B3GALT1: variants seen among roughly 807,000 people sequenced by gnomAD.
B3GALT1 encodes the protein UDP-Gal:betaGlcNAc beta 1,3-galactosyltransferase, polypeptide 1.
A neutral mutation model predicts 23.2 loss-of-function variants in B3GALT1; 10 were observed. The ratio of observed to expected loss-of-function variants is 0.43; its 90% CI spans 0.27 to 0.73. The LOEUF (loss-of-function observed/expected upper bound fraction) is 0.73, where lower values mean the gene tolerates loss of function less well. B3GALT1 is among the 30% of genes least tolerant of loss of function. The probability of loss-of-function intolerance (pLI) is 0.21; values close to 1 mark genes in which losing one functional copy is unlikely to be tolerated. For synonymous variants in B3GALT1, 156 were observed against 141.5 expected, an observed-to-expected ratio of 1.10 and a Z score of -0.73; for missense variants, 299 against 405.4, an observed-to-expected ratio of 0.74 and a Z score of 2.25.
At chr2:167,820,108 C>T (rs538763091) in intron 4 of B3GALT1, among the ~76,000 whole-genome samples, 1 of 152,204 alleles carries the variant, frequency 6.6e-6, no homozygotes, top group Admixed American at 6.5e-5. Context: ...ATATATGAAG[C>T]CGATTGGGTA....
chr2:167,510,409 T>G (rs1020444447), intron 2 of B3GALT1, among the ~76,000 whole-genome samples: 12 of 127,568 alleles, frequency 9.4e-5, no homozygotes, highest in Non-Finnish European at 1.3e-4. Context: ...CAAGTTTTGT[T>G]TTTTTTTTTT....
At chr2:167,507,714 GC>G (rs1368940600) in intron 2 of B3GALT1, among the ~76,000 whole-genome samples, 1 of 151,842 alleles carries the variant, frequency 6.6e-6, no homozygotes, top group Non-Finnish European at 1.5e-5. Flanking sequence ...TGTGCATAAA[GC>G]CCTTAGTTAT....
At position 167,432,554 on chromosome 2, in the gene B3GALT1, T is replaced by C. The variant is rs572258238; in HGVS notation, c.-510-57623T>C. On this transcript the variant is annotated intron_variant, in intron 1 of 4. Transcript: ENST00000392690. Reference sequence around the variant, plus strand: ...ACACATGAGAAGCAAGTCCTTTAGATTGGGTTTTAAAAGAACTTCTCTAAC... The same window carrying C: ...ACACATGAGAAGCAAGTCCTTTAGACTGGGTTTTAAAAGAACTTCTCTAAC... Among the ~76,000 whole-genome samples the C allele has an allele frequency of 7.2e-5, 11 of 152,298 alleles. No homozygotes were observed. In the South Asian group the frequency reaches 1.2e-3, roughly 17 times the overall value.
At chr2:167,387,052 C>T (rs1220879723) in intron 1 of B3GALT1, among the ~76,000 whole-genome samples, 2 of 151,586 alleles carry the variant, frequency 1.3e-5, no homozygotes, top group Non-Finnish European at 1.5e-5. Flanking sequence ...AAGGAAACTG[C>T]CTTGGAAACC....
chr2:167,342,807 T>C (rs1269039493), intron 1 of B3GALT1, among the ~76,000 whole-genome samples: 1 of 152,180 alleles, frequency 6.6e-6, no homozygotes, highest in Non-Finnish European at 1.5e-5. Context: ...TGACTGGTCA[T>C]GGGGACACCT....
intron 3 of B3GALT1, among the ~76,000 whole-genome samples, chr2:167,747,287 T>C (rs1191486132): frequency 1.3e-5 from 2 of 152,138 alleles, no homozygotes; most frequent in Admixed American, 6.5e-5. Context: ...ATTCTACCAA[T>C]CACAATTTAT....
chr2:167,517,793 C>A (rs939401513), intron 2 of B3GALT1, among the ~76,000 whole-genome samples: 1 of 152,056 alleles, frequency 6.6e-6, no homozygotes, highest in Non-Finnish European at 1.5e-5. Context: ...ATTCCACAGA[C>A]AATACAGTGC....
rs869066627 is a variant in B3GALT1 at position 167,545,023 on chromosome 2, C to CTTTTTTTT, written c.-410+54770_-410+54777dup. 2.9e-3 allele frequency among the ~76,000 whole-genome samples: 158 copies of CTTTTTTTT among 54,288 alleles called. 29 individuals carry two copies. Among genetic ancestry groups the CTTTTTTTT allele is most frequent in the African/African-American group, 7.7e-3 (98 of 12,804 alleles). 35.6% of individuals were successfully genotyped at this position (54,288 alleles called of 152,430 possible). ...GGAAGGCCGCTTTTGGCTTGGGTGT[C>CTTTTTTTT]TTTTTTTTTTTTTTTTTTTTTTTTT... On this transcript the variant is annotated intron_variant, in intron 2 of 4. Coordinates refer to ENST00000392690, the MANE Select transcript of B3GALT1 (RefSeq NM_020981.4).
At chr2:167,828,468 C>A (rs928216647) in intron 4 of B3GALT1, among the ~76,000 whole-genome samples, 4 of 152,104 alleles carry the variant, frequency 2.6e-5, no homozygotes, top group African/African-American at 9.7e-5. Flanking sequence ...GGGAACCTAC[C>A]AGTGTGTGGT....
intron 3 of B3GALT1, among the ~76,000 whole-genome samples, chr2:167,803,933 G>A (rs1209786101): frequency 6.6e-6 from 1 of 152,066 alleles, no homozygotes; most frequent in Non-Finnish European, 1.5e-5. Flanking sequence ...TATTTATGAC[G>A]ACTTTTTTCC....
chr2:167,381,430 T>C (rs1697847197), intron 1 of B3GALT1, among the ~76,000 whole-genome samples: 1 of 152,216 alleles, frequency 6.6e-6, no homozygotes, highest in African/African-American at 2.4e-5. Flanking sequence ...TCAAAACCAG[T>C]AATTTTCAAT....
chr2:167,633,923 A>G (rs1685503851), intron 2 of B3GALT1, among the ~76,000 whole-genome samples: 1 of 152,102 alleles, frequency 6.6e-6, no homozygotes, highest in African/African-American at 2.4e-5. Context: ...CAATTATTCT[A>G]AAATTGATCA....
At chr2:167,789,704 G>A (rs1202244277) in intron 3 of B3GALT1, among the ~76,000 whole-genome samples, 1 of 152,120 alleles carries the variant, frequency 6.6e-6, no homozygotes, top group Admixed American at 6.5e-5. Flanking sequence ...CTGGGAAAGA[G>A]GAATGTTATT....
At chr2:167,555,545 C>T (rs1683830260) in intron 2 of B3GALT1, among the ~76,000 whole-genome samples, 1 of 152,078 alleles carries the variant, frequency 6.6e-6, no homozygotes. Flanking sequence ...CTTTTATACA[C>T]TGTTATAAAA....
intron 3 of B3GALT1, among the ~76,000 whole-genome samples, chr2:167,689,399 A>G (rs772655829): frequency 3.9e-5 from 6 of 152,210 alleles, no homozygotes; most frequent in African/African-American, 7.2e-5. Flanking sequence ...ACATACCTGA[A>G]AAGAATAATT....
At chr2:167,644,352 A>G (rs1232741470) in intron 2 of B3GALT1, among the ~76,000 whole-genome samples, 3 of 152,132 alleles carry the variant, frequency 2.0e-5, no homozygotes, top group Non-Finnish European at 2.9e-5. Context: ...GGGAAGGGAC[A>G]ATTTCCTGGA....
rs566593502 is a variant in B3GALT1 at position 167,350,797 on chromosome 2, C to T, written c.-511+57463C>T. The stretch of plus-strand genomic sequence containing the variant: ...TGCAAGGAGCTGCATCTTGTGCCTA[C>T]ACTCCTTTCTCCTATGTCAGTGCTC... On this transcript the variant is annotated intron_variant, in intron 1 of 4. Transcript: ENST00000392690. 1.2e-4 allele frequency among the ~76,000 whole-genome samples: 19 copies of T among 152,314 alleles called. No homozygotes were observed. The East Asian group carries it at 2.7e-3, about 22-fold the overall frequency.
At chr2:167,558,703 T>C (rs896645886) in intron 2 of B3GALT1, among the ~76,000 whole-genome samples, 1 of 152,188 alleles carries the variant, frequency 6.6e-6, no homozygotes, top group African/African-American at 2.4e-5. Flanking sequence ...TCTCGCTGAT[T>C]GCTAGCACAG....
intron 2 of B3GALT1, among the ~76,000 whole-genome samples, chr2:167,580,804 T>C (rs1451509280): frequency 5.9e-5 from 9 of 152,176 alleles, no homozygotes; most frequent in Admixed American, 4.6e-4. Flanking sequence ...CCAGTGAAGA[T>C]AGAGTAAGAG....
Sources: allele counts gnomAD v4.1 joint callset (sites outside exome capture counted in the v4.1 genomes callset), GRCh38; gene constraint gnomAD v4.1.1; transcripts MANE v1.5; gene names NCBI Gene and HGNC (gene_info 2026-07-23, HGNC 2026-07-21).